ARFGEF1: variants seen among roughly 807,000 people sequenced by gnomAD.
ARFGEF1 encodes the protein ARF guanine nucleotide exchange factor 1.
Under a neutral mutation model 231.0 loss-of-function variants are expected in ARFGEF1, and 42 were observed. That is an observed-to-expected ratio of 0.18 (90% CI 0.14 to 0.24). The LOEUF (loss-of-function observed/expected upper bound fraction) is 0.24, where lower values mean the gene tolerates loss of function less well. Ranked by LOEUF, ARFGEF1 falls within the 10% of genes least tolerant of loss-of-function variation. The probability of loss-of-function intolerance (pLI) is 1.00; values close to 1 mark genes in which losing one functional copy is unlikely to be tolerated. For missense variants in ARFGEF1, 1,345 were observed against 2,192.0 expected (o/e 0.61, Z 7.72); for synonymous variants, 710 against 732.3 (o/e 0.97, Z 0.49).
chr8:67,227,643 TA>T (rs1563850240), intron 25 of ARFGEF1, 45 bp from the exon 26 acceptor site: 1 of 1,569,072 alleles, frequency 6.4e-7, no homozygotes, highest in South Asian at 1.1e-5. Flanking sequence ...ATATCAGCAG[TA>T]AAAATCTACA....
At chr8:67,317,871 C>T (rs1025302394) in intron 1 of ARFGEF1, among the ~76,000 whole-genome samples, 1 of 148,568 alleles carries the variant, frequency 6.7e-6, no homozygotes, top group Non-Finnish European at 1.5e-5. Flanking sequence ...TGTACTCCAG[C>T]CTGGGTGACA....
At chr8:67,256,558 G>T (rs1237943121) in intron 17 of ARFGEF1, among the ~76,000 whole-genome samples, 1 of 152,042 alleles carries the variant, frequency 6.6e-6, no homozygotes, top group Non-Finnish European at 1.5e-5. Flanking sequence ...ATACATCTCA[G>T]ATTAGAAAGT....
intron 1 of ARFGEF1, among the ~76,000 whole-genome samples, chr8:67,324,508 C>T (rs1807740998): frequency 6.6e-6 from 1 of 152,162 alleles, no homozygotes; most frequent in Non-Finnish European, 1.5e-5. Context: ...GCCTGAAGTC[C>T]AGAGTGATTC....
downstream of ARFGEF1, among the ~76,000 whole-genome samples, chr8:67,194,753 T>TAATA (rs1837438737): frequency 6.6e-6 from 1 of 151,232 alleles, no homozygotes; most frequent in Non-Finnish European, 1.5e-5. Flanking sequence ...TTATACCTAA[T>TAATA]AATAAATAAA....
chr8:67,215,700 C>T (rs1838903817), intron 33 of ARFGEF1, among the ~76,000 whole-genome samples: 1 of 152,134 alleles, frequency 6.6e-6, no homozygotes. Flanking sequence ...TAAGGATTCT[C>T]CCTTAGAGCC....
At chr8:67,277,574 G>T in intron 7 of ARFGEF1, 117 bp from the exon 8 acceptor site, 1 of 867,850 alleles carries the variant, frequency 1.2e-6, no homozygotes, top group Non-Finnish European at 1.7e-6. Context: ...AGTAAAATAT[G>T]TATTGGCACC....
intron 17 of ARFGEF1, 99 bp from the exon 18 acceptor site, chr8:67,253,721 T>C (rs1840368609): frequency 1.5e-6 from 1 of 664,298 alleles, no homozygotes; most frequent in East Asian, 3.3e-5. Context: ...TTGTAAATAC[T>C]TTTGAGGATA....
chr8:67,175,333 G>A (rs960742996), downstream of ARFGEF1: 1 of 1,613,088 alleles, frequency 6.2e-7, no homozygotes, highest in African/African-American at 1.3e-5. Flanking sequence ...TTATGTACCT[G>A]GATCCTCCAA....
intron 19 of ARFGEF1, among the ~76,000 whole-genome samples, chr8:67,250,711 C>T (rs1840256263): frequency 6.6e-6 from 1 of 152,212 alleles, no homozygotes; most frequent in Admixed American, 6.5e-5. Flanking sequence ...TAACTAGACA[C>T]TACTCCACTT....
intron 10 of ARFGEF1, among the ~76,000 whole-genome samples, chr8:67,268,653 T>C (rs1416931865): frequency 1.3e-5 from 2 of 152,196 alleles, no homozygotes; most frequent in Non-Finnish European, 2.9e-5. Context: ...CAGTATTCAA[T>C]TCCAAGATCT....
chr8:67,248,713 G>A (rs1158875974), intron 19 of ARFGEF1, among the ~76,000 whole-genome samples: 1 of 150,336 alleles, frequency 6.7e-6, no homozygotes, highest in Non-Finnish European at 1.5e-5. Context: ...CAGAATAGTG[G>A]TTCTCATTGT....
chr8:67,321,060 C>T (rs974626214), intron 1 of ARFGEF1, among the ~76,000 whole-genome samples: 7 of 151,864 alleles, frequency 4.6e-5, no homozygotes, highest in Non-Finnish European at 1.0e-4. Flanking sequence ...TCAAAAGCCT[C>T]CATTCTGTAT....
chr8:67,312,461 T>C (rs1429296958), intron 1 of ARFGEF1, among the ~76,000 whole-genome samples: 9 of 152,098 alleles, frequency 5.9e-5, no homozygotes, highest in East Asian at 1.9e-4. Flanking sequence ...CAGAGTTATA[T>C]AGATAATCTG....
Position 67,240,329 on chromosome 8 carries a change from G to A in ARFGEF1, c.2851-39C>T, listed in dbSNP as rs146075929. ...AAATTGTATTTTAATTAAAGATTAT[G>A]ATAACACATTAAAATTTCTCAAATC... On this transcript the variant is annotated intron_variant, in intron 19 of 38. Transcript: ENST00000262215. 735 of 1,514,224 alleles carry A rather than the reference G, an allele frequency of 4.9e-4. 2 individuals carry two copies. In the African/African-American group the frequency reaches 9.6e-3, roughly 20 times the overall value. 93.8% of individuals were successfully genotyped at this position (1,514,224 alleles called of 1,614,324 possible).
chr8:67,246,959 C>T lies in ARFGEF1; in HGVS notation c.2850+4340G>A, dbSNP rs1475011917. Among the ~76,000 whole-genome samples, 2 of 150,042 alleles carry T rather than the reference C, an allele frequency of 1.3e-5. 1 individual carries two copies. Among genetic ancestry groups the T allele is most frequent in the African/African-American group, 5.0e-5 (2 of 40,166 alleles). On this transcript the variant is annotated intron_variant, in intron 19 of 38. Coordinates refer to ENST00000262215, the MANE Select transcript of ARFGEF1 (RefSeq NM_006421.5). ...ATTCAAAGGATTCTTAGTGGCTACT[C>T]TGAGCAACTACATGCCGGTAAACTG...
intron 5 of ARFGEF1, among the ~76,000 whole-genome samples, chr8:67,187,011 A>G (rs141208491): frequency 1.0e-4 from 15 of 150,294 alleles, no homozygotes; most frequent in African/African-American, 3.2e-4. Context: ...CTATCTATCT[A>G]TCTAATCTAT....
At chr8:67,196,621 GCTAC>G (rs1837989208), downstream of ARFGEF1, among the ~76,000 whole-genome samples, 1 of 152,126 alleles carries the variant, frequency 6.6e-6, no homozygotes, top group South Asian at 2.1e-4. Flanking sequence ...TTGAGTTTTG[GCTAC>G]TTGTAAATTT....
intron 6 of ARFGEF1, 120 bp from the exon 7 acceptor site, chr8:67,288,185 TAAC>T (rs1805841125): frequency 3.8e-6 from 2 of 532,414 alleles, no homozygotes; most frequent in South Asian, 6.8e-5. Context: ...ATCAAATAGA[TAAC>T]ATGAAATTAG....
At chr8:67,224,798 C>T (rs2128870500) in intron 29 of ARFGEF1, 105 bp downstream of exon 29, 1 of 721,204 alleles carries the variant, frequency 1.4e-6, no homozygotes, top group East Asian at 3.3e-5. Context: ...TGACAAAACA[C>T]TTGATTTTAT....
Sources: allele counts gnomAD v4.1 joint callset (sites outside exome capture counted in the v4.1 genomes callset), GRCh38; gene constraint gnomAD v4.1.1; transcripts MANE v1.5; gene names NCBI Gene and HGNC (gene_info 2026-07-23, HGNC 2026-07-21).